The following TECTA variants were observed in gnomAD, a reference collection of about 807,000 sequenced individuals.
The protein encoded by TECTA is alpha-tectorin.
TECTA carries 128 observed loss-of-function variants against 216.8 expected under a neutral mutation model. The observed-to-expected ratio is 0.59, with a 90% confidence interval of 0.51 to 0.68. TECTA has a LOEUF of 0.68. Ranked by LOEUF, TECTA falls within the 30% of genes least tolerant of loss-of-function variation. The pLI, the probability that TECTA is intolerant of heterozygous loss-of-function variation, is 0.00. For missense variants in TECTA, 2,551 were observed against 2,786.2 expected, an observed-to-expected ratio of 0.92 and a Z score of 1.90; for synonymous variants, 1,089 against 1,117.1, an observed-to-expected ratio of 0.97 and a Z score of 0.50.
intron 4 of TECTA, among the ~76,000 whole-genome samples, chr11:121,112,701 C>T (rs913059820): frequency 6.6e-6 from 1 of 152,144 alleles, no homozygotes; most frequent in Non-Finnish European, 1.5e-5. Flanking sequence ...TGGTTGCATC[C>T]TGGTCCCCGG....
At chr11:121,178,889 T>G (rs1375568889) in intron 20 of TECTA, among the ~76,000 whole-genome samples, 1 of 152,184 alleles carries the variant, frequency 6.6e-6, no homozygotes, top group Non-Finnish European at 1.5e-5. Context: ...TAGTTGTTCA[T>G]AACAGTCTGT....
At position 121,113,192 on chromosome 11, in the gene TECTA, G is replaced by A; in HGVS notation, c.607G>A (p.Gly203Ser). The A allele has an allele frequency of 6.2e-7, 1 of 1,614,052 alleles. No homozygotes were observed. The highest frequency in any genetic ancestry group is 8.5e-7 in the Non-Finnish European group (1 of 1,180,012). ...TGGCGGCGACCCCCTGACAGGTCTTGGTGGAGTGATGGCACAGGTAGGTGG... is the reference window on the plus strand; with the variant it reads ...TGGCGGCGACCCCCTGACAGGTCTTAGTGGAGTGATGGCACAGGTAGGTGG... Reference protein sequence around the residue: ...ASGGDPLTGLGGVMAQAGFNG... With the variant: ...ASGGDPLTGLSGVMAQAGFNG... The change falls in exon 5 of 24, where the codon GGT becomes AGT. Residue 203 changes from glycine (G) to serine (S), a missense_variant. Physicochemically the swap from Gly to Ser is moderately conservative, Grantham distance 56. Transcript: ENST00000392793. The surrounding 1 kb of genome is among the most constrained non-coding windows in gnomAD (Gnocchi z 4.2).
chr11:121,129,770 T>C lies in TECTA; in HGVS notation c.2500T>C (p.Tyr834His). ...TVQYSDIGLL[Y>H]IRLSTTYFNC... ...CCAGTACTCAGACATAGGTCTATTGTACATCCGGCTGTCCACCACATACTT... is the reference window on the plus strand; with the variant it reads ...CCAGTACTCAGACATAGGTCTATTGCACATCCGGCTGTCCACCACATACTT... Residue 834 changes from tyrosine (Y) to histidine (H), a missense_variant, in exon 10 of 24, where the codon TAC becomes CAC. Coordinates refer to ENST00000392793, the MANE Select transcript of TECTA (RefSeq NM_005422.4). The C allele has an allele frequency of 6.2e-7, 1 of 1,614,222 alleles. No individual in the cohort carries two copies. Among genetic ancestry groups the C allele is most frequent in the East Asian group, 2.2e-5 (1 of 44,884 alleles).
In TECTA at chr11:121,145,748, G is replaced by A; in HGVS notation, c.3737G>A (p.Gly1246Asp). The change falls in exon 12 of 24, where the codon GGC (glycine) becomes GAC (aspartate). Residue 1246 changes from glycine (G) to aspartate (D), a missense_variant. By Grantham distance (94) the Gly-to-Asp change is moderately conservative (BLOSUM62 -1). Coordinates refer to ENST00000392793, the MANE Select transcript of TECTA (RefSeq NM_005422.4). ...TATGGTCTGTGTGGCCGCTACAACG[G>A]CAACCCTGATGATGACCTGGAGATG... The part of the protein sequence containing the change: ...STYGLCGRYN[G>D]NPDDDLEMPM... 6.2e-7 allele frequency: 1 copy of A among 1,614,214 alleles called. No homozygotes were observed. The highest frequency in any genetic ancestry group is 8.5e-7 in the Non-Finnish European group (1 of 1,180,044).
At chr11:121,157,636 A>G (rs920451661) in intron 13 of TECTA, among the ~76,000 whole-genome samples, 1 of 152,230 alleles carries the variant, frequency 6.6e-6, no homozygotes. Flanking sequence ...ATGCGTGTCA[A>G]AACTGCGTAT....
In TECTA at chr11:121,125,686, A is replaced by T. The variant is rs1341534050; in HGVS notation, c.1588A>T (p.Thr530Ser). 3 of 1,609,734 alleles carry T rather than the reference A, an allele frequency of 1.9e-6. No individual in the cohort carries two copies. Among genetic ancestry groups the T allele is most frequent in the Non-Finnish European group, 2.6e-6 (3 of 1,176,384 alleles). Residue 530 changes from threonine to serine, a missense_variant, in exon 8 of 24, where the codon ACA becomes TCA. Around this residue, in one of 3 missense-constraint regions of TECTA, gnomAD observed 2,375 missense variants for 2,563.9 expected, o/e 0.93. Coordinates refer to ENST00000392793, the MANE Select transcript of TECTA (RefSeq NM_005422.4). ...GSDYCGFLNKTDGPLWECGTV... is the reference protein window; with the variant it reads ...GSDYCGFLNKSDGPLWECGTV... ...TGACTACTGCGGCTTCCTCAACAAG[A>T]CAGACGGCCCTCTGTGGGAGTGTGG...
chr11:121,165,298 G>A lies in TECTA; in HGVS notation c.5298G>A (p.Val1766=), dbSNP rs748070222. 6.2e-7 allele frequency: 1 copy of A among 1,607,460 alleles called. No homozygotes were observed. Among genetic ancestry groups the A allele is most frequent in the Admixed American group, 1.7e-5 (1 of 59,272 alleles). Residue 1766 remains valine, a synonymous_variant, in exon 17 of 24, where the codon GTG becomes GTA. Coordinates refer to ENST00000392793, the MANE Select transcript of TECTA (RefSeq NM_005422.4). ...CAGGAGTGGTTGAAGATCCCTGTGT[G>A]GGGGCGGACTGTCCCAACCGAACTT... ...NCSGVVEDPC[V]GADCPNRTCE...
intron 10 of TECTA, among the ~76,000 whole-genome samples, chr11:121,131,489 T>C (rs1349379295): frequency 6.6e-6 from 1 of 152,208 alleles, no homozygotes; most frequent in Non-Finnish European, 1.5e-5. Flanking sequence ...AATATTTCAG[T>C]GTGTTTCCTA....
At chr11:121,111,858 C>T (rs538247596) in intron 4 of TECTA, among the ~76,000 whole-genome samples, 4 of 152,306 alleles carry the variant, frequency 2.6e-5, no homozygotes, top group African/African-American at 4.8e-5. Context: ...CTATCACAAA[C>T]GCCATCAGCC....
chr11:121,180,695 A>C (rs1251687699), intron 20 of TECTA, among the ~76,000 whole-genome samples: 1 of 152,098 alleles, frequency 6.6e-6, no homozygotes, highest in African/African-American at 2.4e-5. Context: ...TATTTCATTA[A>C]ATAGGTTTTC....
At chr11:121,134,482 G>T (rs958335785) in intron 10 of TECTA, among the ~76,000 whole-genome samples, 3 of 152,204 alleles carry the variant, frequency 2.0e-5, no homozygotes, top group Non-Finnish European at 2.9e-5. Flanking sequence ...AATAGCAGAT[G>T]CTGGGACTCC....
At chr11:121,114,135 A>G (rs1197000937) in intron 6 of TECTA, among the ~76,000 whole-genome samples, 1 of 152,086 alleles carries the variant, frequency 6.6e-6, no homozygotes, top group Non-Finnish European at 1.5e-5. Context: ...TTGTAGATCT[A>G]CAGGAATGGG....
rs1946831915 is a variant in TECTA, at chr11:121,145,958, G to A, written c.3947G>A (p.Ser1316Asn). The A allele has an allele frequency of 6.2e-7, 1 of 1,614,254 alleles. No individual in the cohort carries two copies. Among genetic ancestry groups the A allele is most frequent in the Non-Finnish European group, 8.5e-7 (1 of 1,180,048 alleles). Reference protein sequence around the residue: ...NQNAAFSKCHSKVNPTFFYKN... With the variant: ...NQNAAFSKCHNKVNPTFFYKN... ...AACGCTGCCTTCTCCAAGTGTCACA[G>A]CAAAGTTAACCCCACCTTCTTCTAT... The change falls in exon 12 of 24, where the codon AGC becomes AAC. Residue 1316 changes from serine (S) to asparagine (N), a missense_variant. Around this residue, in one of 3 missense-constraint regions of TECTA, gnomAD observed 2,375 missense variants for 2,563.9 expected, o/e 0.93. Transcript: ENST00000392793.
intron 3 of TECTA, among the ~76,000 whole-genome samples, chr11:121,107,993 G>T (rs975126853): frequency 6.6e-6 from 1 of 152,134 alleles, no homozygotes; most frequent in Non-Finnish European, 1.5e-5. Context: ...TGCAGGAGTG[G>T]TTGTGACATC....
rs190194251 is a variant in TECTA at position 121,173,140 on chromosome 11, G to T, written c.5999+4215G>T. On this transcript the variant is annotated intron_variant, in intron 20 of 23. Coordinates refer to ENST00000392793, the MANE Select transcript of TECTA (RefSeq NM_005422.4). ...AAAATTTTCTCCCATTTTGCAGGTTGCCTGTTCACTCTGGTGGTAGTTTCT... is the reference window on the plus strand; with the variant it reads ...AAAATTTTCTCCCATTTTGCAGGTTTCCTGTTCACTCTGGTGGTAGTTTCT... Among the ~76,000 whole-genome samples, 24 of 152,262 alleles carry T rather than the reference G, an allele frequency of 1.6e-4. No individual in the cohort carries two copies. In the East Asian group the frequency reaches 4.6e-3, roughly 29 times the overall value.
At chr11:121,175,136 AAACC>A (rs1947152155) in intron 20 of TECTA, among the ~76,000 whole-genome samples, 1 of 151,856 alleles carries the variant, frequency 6.6e-6, no homozygotes, top group South Asian at 2.1e-4. Context: ...TCCTTTCAAA[AAACC>A]AGCTCCTGGA....
intron 4 of TECTA, 102 bp downstream of exon 4, chr11:121,109,600 T>C: frequency 7.0e-7 from 1 of 1,425,712 alleles, no homozygotes; most frequent in Non-Finnish European, 9.8e-7. Flanking sequence ...CTAAGGAGTG[T>C]CAGTTCCCTT....
At chr11:121,150,597 A>G (rs1435254452) in intron 12 of TECTA, among the ~76,000 whole-genome samples, 3 of 152,042 alleles carry the variant, frequency 2.0e-5, no homozygotes, top group African/African-American at 7.2e-5. Flanking sequence ...AAGGCAAATG[A>G]TAAATATTTT....
Position 121,128,217 on chromosome 11 carries a change from C to G in TECTA, c.2240C>G (p.Pro747Arg). The change falls in exon 9 of 24, where the codon CCA becomes CGA. Residue 747 changes from proline (P) to arginine (R), a missense_variant. Transcript: ENST00000392793. ...CTCCTGAAGACCTGCCCTGAGCGCC[C>G]AGAGTACTTGGAAATCGACATCAAC... Reference protein sequence around the residue: ...YTLLKTCPERPEYLEIDINKK... With the variant: ...YTLLKTCPERREYLEIDINKK... 6.2e-7 allele frequency: 1 copy of G among 1,603,774 alleles called. No homozygotes were observed.
Sources: gnomAD v4.1 joint callset for allele counts (sites outside exome capture counted in the v4.1 genomes callset) on GRCh38, gnomAD v4.1.1 for gene constraint, gnomAD v4.1.1 regional missense constraint, Gnocchi (gnomAD v3.1) non-coding constraint, MANE v1.5 for transcripts, NCBI Gene and HGNC (gene_info 2026-07-23, HGNC 2026-07-21) for gene names.